The following UTY variants were observed in gnomAD, a reference collection of about 807,000 sequenced individuals.
UTY encodes ubiquitously transcribed tetratricopeptide repeat containing, Y-linked.
Under a neutral mutation model 32.5 loss-of-function variants are expected in UTY, and 12 were observed. That is an observed-to-expected ratio of 0.37 (90% CI 0.24 to 0.60). UTY has a LOEUF of 0.60. Ranked by LOEUF, UTY falls within the 20% of genes least tolerant of loss-of-function variation. The pLI is 0.69. For missense variants in UTY, 303 were observed against 299.2 expected, an observed-to-expected ratio of 1.01 and a Z score of -0.09; for synonymous variants, 131 against 103.4, an observed-to-expected ratio of 1.27 and a Z score of -1.62.
chrY:13,474,124 C>T (rs1010433121), intron 2 of UTY, among the ~76,000 whole-genome samples: 2 of 32,377 alleles, frequency 6.2e-5, no homozygotes, highest in African/African-American at 1.2e-4. Flanking sequence ...GTGGCAGGTA[C>T]GTGAAATCTC....
chrY:13,269,011 C>T, intron 27 of UTY, among the ~76,000 whole-genome samples: 1 of 33,311 alleles, frequency 3.0e-5, no homozygotes, highest in African/African-American at 1.2e-4. Context: ...GTTCAGGGAC[C>T]TACTTGGGGA....
chrY:13,388,201 A>C (rs2067112223), intron 8 of UTY, among the ~76,000 whole-genome samples: 4 of 34,175 alleles, frequency 1.2e-4, no homozygotes, highest in Non-Finnish European at 2.2e-4. Context: ...TAGATGATGA[A>C]ATGCTCCAGT....
intron 4 of UTY, among the ~76,000 whole-genome samples, chrY:13,422,954 AG>A (rs2072782001): frequency 5.9e-5 from 2 of 33,927 alleles, no homozygotes; most frequent in Non-Finnish European, 1.5e-4. Flanking sequence ...ATATGCACAT[AG>A]AGAGCAGTGA....
intron 21 of UTY, among the ~76,000 whole-genome samples, chrY:13,312,522 G>A: frequency 3.1e-5 from 1 of 32,513 alleles, no homozygotes; most frequent in African/African-American, 1.2e-4. Flanking sequence ...CACTTTGGGA[G>A]GCTGAGGCGG....
intron 17 of UTY, among the ~76,000 whole-genome samples, chrY:13,337,798 C>G: frequency 9.2e-5 from 3 of 32,466 alleles, no homozygotes; most frequent in Admixed American, 5.7e-4. Flanking sequence ...GACACAGTTG[C>G]CAAGATGGGA....
chrY:13,277,453 A>G, intron 27 of UTY, among the ~76,000 whole-genome samples: 1 of 33,497 alleles, frequency 3.0e-5, no homozygotes, highest in Non-Finnish European at 7.4e-5. Context: ...CAATCACCGT[A>G]CCTAGTTTTG....
intron 21 of UTY, among the ~76,000 whole-genome samples, chrY:13,312,113 C>T (rs748197152): frequency 2.9e-5 from 1 of 34,542 alleles, no homozygotes; most frequent in Non-Finnish European, 7.3e-5. Context: ...CATTACAGGG[C>T]CGGGCGCGGT....
chrY:13,467,778 A>G, intron 3 of UTY, among the ~76,000 whole-genome samples: 2 of 28,359 alleles, frequency 7.1e-5, no homozygotes, highest in Non-Finnish European at 1.7e-4. Flanking sequence ...CTCAAAAAAG[A>G]AAAAAAAAAA....
intron 21 of UTY, among the ~76,000 whole-genome samples, chrY:13,314,239 C>G: frequency 3.1e-5 from 1 of 32,608 alleles, no homozygotes; most frequent in Admixed American, 2.8e-4. Context: ...ACAGTTAAAC[C>G]CCGTCTCTAC....
intron 3 of UTY, among the ~76,000 whole-genome samples, chrY:13,467,852 A>T (rs749958929): frequency 3.0e-5 from 1 of 33,493 alleles, no homozygotes; most frequent in South Asian, 6.6e-4. Context: ...CCCTATTTAA[A>T]TCTACTTCTC....
chrY:13,423,688 T>C, intron 4 of UTY, among the ~76,000 whole-genome samples: 2 of 33,323 alleles, frequency 6.0e-5, no homozygotes, highest in African/African-American at 2.4e-4. Flanking sequence ...GTTAATTGTA[T>C]ATCTCCATCT....
intron 8 of UTY, among the ~76,000 whole-genome samples, chrY:13,392,924 C>T (rs542365020): frequency 0.026 from 875 of 33,141 alleles, no homozygotes; most frequent in Middle Eastern, 0.2. Flanking sequence ...CAGTATCACA[C>T]CACACTGCAG....
chrY:13,313,358 A>C, intron 21 of UTY, among the ~76,000 whole-genome samples: 2 of 33,712 alleles, frequency 5.9e-5, no homozygotes, highest in African/African-American at 2.3e-4. Context: ...GTTTAGGATT[A>C]AATGAGTTTT....
intron 18 of UTY, among the ~76,000 whole-genome samples, chrY:13,328,384 C>T (rs2060413948): frequency 3.0e-5 from 1 of 33,304 alleles, no homozygotes; most frequent in East Asian, 7.6e-4. Context: ...AATATAGATA[C>T]CTAAATGTGA....
At chrY:13,318,190 ATAG>A in intron 21 of UTY, among the ~76,000 whole-genome samples, 1 of 22,743 alleles carries the variant, frequency 4.4e-5, no homozygotes, top group Non-Finnish European at 8.5e-5. Context: ...AATAGTAATA[ATAG>A]TAATAATAAT....
intron 6 of UTY, among the ~76,000 whole-genome samples, chrY:13,406,032 T>C (rs2069914543): frequency 6.0e-5 from 2 of 33,573 alleles, no homozygotes; most frequent in African/African-American, 2.3e-4. Flanking sequence ...TGTCTTTATA[T>C]AATTAAAAGC....
At chrY:13,368,911 T>G in intron 9 of UTY, among the ~76,000 whole-genome samples, 4 of 32,609 alleles carry the variant, frequency 1.2e-4, no homozygotes, top group African/African-American at 4.8e-4. Flanking sequence ...CTACTCCTAC[T>G]CTCTCTAGTG....
chrY:13,367,302 T>C, intron 9 of UTY, among the ~76,000 whole-genome samples: 1 of 33,398 alleles, frequency 3.0e-5, no homozygotes, highest in Non-Finnish European at 7.4e-5. Flanking sequence ...TGTCACAGCA[T>C]TAGATAAACA....
chrY:13,403,171 G>C, intron 6 of UTY, among the ~76,000 whole-genome samples: 1 of 33,012 alleles, frequency 3.0e-5, no homozygotes, highest in Non-Finnish European at 7.5e-5. Flanking sequence ...CAGATACAAT[G>C]TTTTTTTCAT....
Sources: gnomAD v4.1 joint callset for allele counts (sites outside exome capture counted in the v4.1 genomes callset) on GRCh38, gnomAD v4.1.1 for gene constraint, MANE v1.5 for transcripts, NCBI Gene and HGNC (gene_info 2026-07-23, HGNC 2026-07-21) for gene names.